Variants in GNA14 observed in about 807,000 individuals in gnomAD.
The protein encoded by GNA14 is G protein subunit alpha 14.
In GNA14, 50 loss-of-function variants were observed where a neutral mutation model predicts 42.0. That is an observed-to-expected ratio of 1.19 (90% confidence interval 0.95 to 1.51). GNA14 has a LOEUF of 1.51. GNA14 is among the 40% of genes most tolerant of loss of function. The pLI, the probability that GNA14 is intolerant of heterozygous loss-of-function variation, is 0.00. For synonymous variants in GNA14, 173 were observed against 163.1 expected, an observed-to-expected ratio of 1.06 and a Z score of -0.46; for missense variants, 473 against 446.2, an observed-to-expected ratio of 1.06 and a Z score of -0.54.
chr9:77,502,588 G>A (rs1300492197), intron 2 of GNA14, among the ~76,000 whole-genome samples: 3 of 152,108 alleles, frequency 2.0e-5, no homozygotes, highest in Admixed American at 1.3e-4. Context: ...CCTGTGCCAC[G>A]GTTGGGGTGG....
At chr9:77,469,017 G>A (rs1274403897) in intron 2 of GNA14, among the ~76,000 whole-genome samples, 2 of 152,128 alleles carry the variant, frequency 1.3e-5, no homozygotes, top group East Asian at 3.9e-4. Flanking sequence ...CTTTTGATGT[G>A]TGTATAAGAT....
At chr9:77,475,580 G>A (rs1401501336) in intron 2 of GNA14, among the ~76,000 whole-genome samples, 3 of 152,176 alleles carry the variant, frequency 2.0e-5, no homozygotes, top group Non-Finnish European at 2.9e-5. Flanking sequence ...GGCTCCAGAG[G>A]AGGGTCTGAG....
intron 1 of GNA14, among the ~76,000 whole-genome samples, chr9:77,619,765 A>G (rs948113719): frequency 2.6e-5 from 4 of 152,166 alleles, no homozygotes; most frequent in African/African-American, 9.7e-5. Flanking sequence ...GTTACTATTA[A>G]ATGCTCCTAT....
At chr9:77,553,846 A>G (rs1837814238) in intron 1 of GNA14, among the ~76,000 whole-genome samples, 1 of 152,232 alleles carries the variant, frequency 6.6e-6, no homozygotes. Flanking sequence ...AAGTAATCAC[A>G]GTGTGATCCA....
intron 1 of GNA14, among the ~76,000 whole-genome samples, chr9:77,623,216 CAAAAAAAAAAAAAAAAAAAAAAAA>C (rs34368561): frequency 1.1e-4 from 3 of 26,834 alleles, no homozygotes; most frequent in Non-Finnish European, 3.9e-4. Context: ...GACGCTGTCT[CAAAAAAAAAAAAAAAAAAAAAAAA>C]AAAAAAAAAA....
chr9:77,423,844 C>T lies in GNA14; in HGVS notation c.*135G>A, dbSNP rs1045316550. On this transcript the variant is annotated 3_prime_UTR_variant, in exon 7 of 7. Transcript: ENST00000341700. ...ATCTTCCAAGTTCCATCACCCATCT[C>T]TGTCCCCACGATCTACATGACATCC... The T allele has an allele frequency of 3.5e-5, 17 of 486,558 alleles. No homozygotes were observed. Among genetic ancestry groups the T allele is most frequent in the Non-Finnish European group, 6.2e-5 (17 of 275,686 alleles). The allele number at this position is 486,558 out of a possible 1,614,324, so 30.1% of individuals were successfully genotyped here.
chr9:77,531,545 A>C (rs1407620455), intron 1 of GNA14, among the ~76,000 whole-genome samples: 1 of 152,190 alleles, frequency 6.6e-6, no homozygotes, highest in East Asian at 1.9e-4. Flanking sequence ...CACCCGGCAG[A>C]GTTGAGCTAC....
chr9:77,558,935 A>AC (rs370538581), intron 1 of GNA14, among the ~76,000 whole-genome samples: 6 of 151,748 alleles, frequency 4.0e-5, no homozygotes, highest in African/African-American at 7.3e-5. Flanking sequence ...AAAACAAAAA[A>AC]AAAAACAAAA....
At chr9:77,531,919 C>T (rs1007662502) in intron 1 of GNA14, among the ~76,000 whole-genome samples, 1 of 152,098 alleles carries the variant, frequency 6.6e-6, no homozygotes, top group African/African-American at 2.4e-5. Flanking sequence ...TCAATAAATA[C>T]CCATATTTTA....
intron 2 of GNA14, among the ~76,000 whole-genome samples, chr9:77,476,983 T>A (rs1225279025): frequency 1.3e-5 from 2 of 152,152 alleles, no homozygotes; most frequent in African/African-American, 4.8e-5. Context: ...CATTCCACCT[T>A]GTCAGGATTC....
intron 2 of GNA14, among the ~76,000 whole-genome samples, chr9:77,476,979 A>G (rs1490658929): frequency 6.6e-6 from 1 of 152,150 alleles, no homozygotes; most frequent in African/African-American, 2.4e-5. Flanking sequence ...CAATCATTCC[A>G]CCTTGTCAGG....
At chr9:77,529,294 C>T (rs564744821) in intron 1 of GNA14, 41 bp from the exon 2 acceptor site, 6 of 1,483,372 alleles carry the variant, frequency 4.0e-6, no homozygotes, top group African/African-American at 2.8e-5. Flanking sequence ...CAGCAGACTT[C>T]CAAAGGAACA....
intron 2 of GNA14, among the ~76,000 whole-genome samples, chr9:77,478,958 T>G (rs1174028082): frequency 1.7e-4 from 26 of 152,196 alleles, no homozygotes; most frequent in Non-Finnish European, 3.8e-4. Flanking sequence ...TTGAGAAAAT[T>G]TTCTCCCATT....
chr9:77,506,093 A>C (rs566690025), intron 2 of GNA14, among the ~76,000 whole-genome samples: 1 of 151,668 alleles, frequency 6.6e-6, no homozygotes, highest in African/African-American at 2.4e-5. Flanking sequence ...GAGAGACCCC[A>C]TCCTCTACAA....
At chr9:77,566,928 T>C (rs1822977655) in intron 1 of GNA14, among the ~76,000 whole-genome samples, 1 of 152,186 alleles carries the variant, frequency 6.6e-6, no homozygotes, top group African/African-American at 2.4e-5. Flanking sequence ...TTAAAAATAA[T>C]AATAATTATT....
chr9:77,619,039 G>A (rs1823879994), intron 1 of GNA14, among the ~76,000 whole-genome samples: 2 of 152,134 alleles, frequency 1.3e-5, no homozygotes, highest in African/African-American at 4.8e-5. Context: ...AATTACATGT[G>A]TGGCTCACAT....
chr9:77,431,489 G>T, intron 3 of GNA14, 40 bp from the exon 4 acceptor site: 1 of 1,570,822 alleles, frequency 6.4e-7, no homozygotes, highest in Non-Finnish European at 8.7e-7. Context: ...TCCTTTTAGA[G>T]CAGGGGGAAA....
intron 2 of GNA14, among the ~76,000 whole-genome samples, chr9:77,485,796 C>CT (rs1437803758): frequency 6.6e-6 from 1 of 152,046 alleles, no homozygotes; most frequent in Non-Finnish European, 1.5e-5. Context: ...TGAAAGGAAT[C>CT]TTTTTTGCTA....
chr9:77,450,850 T>C (rs192689215), intron 2 of GNA14, among the ~76,000 whole-genome samples: 2 of 152,088 alleles, frequency 1.3e-5, no homozygotes, highest in Non-Finnish European at 1.5e-5. Context: ...GTTCTCTTGA[T>C]AGTGAATAAG....
Sources: gnomAD v4.1 joint callset for allele counts (sites outside exome capture counted in the v4.1 genomes callset) on GRCh38, gnomAD v4.1.1 for gene constraint, MANE v1.5 for transcripts, NCBI Gene and HGNC (gene_info 2026-07-23, HGNC 2026-07-21) for gene names.